Variants in COLEC12 observed in about 807,000 individuals in gnomAD.
COLEC12 encodes collectin subfamily member 12, also known as collectin-12.
COLEC12 carries 33 observed loss-of-function variants against 71.1 expected under a neutral mutation model. The ratio of observed to expected loss-of-function variants is 0.46; its 90% CI spans 0.35 to 0.62. COLEC12 has a LOEUF of 0.62. COLEC12 is among the 20% of genes least tolerant of loss of function. The pLI, the probability that COLEC12 is intolerant of heterozygous loss-of-function variation, is 0.00. For missense variants in COLEC12, 765 were observed against 916.1 expected (o/e 0.84, Z 2.13); for synonymous variants, 350 against 353.0 (o/e 0.99, Z 0.10).
Position 406,766 on chromosome 18 carries a change from G to C in COLEC12, c.59-49244C>G, listed in dbSNP as rs182143200. Among the ~76,000 whole-genome samples, 120 of 152,322 alleles carry C rather than the reference G, an allele frequency of 7.9e-4. 1 individual carries two copies. Among genetic ancestry groups the C allele is most frequent in the African/African-American group, 2.8e-3 (118 of 41,574 alleles). ...TGGTCCTCAGTGCTCTCCAGGACTG[G>C]TCTGCTCCCCACTTTGGTGTGTCTT... On this transcript the variant is annotated intron_variant, in intron 2 of 9. Coordinates refer to ENST00000400256, the MANE Select transcript of COLEC12 (RefSeq NM_130386.3).
chr18:382,239 C>T (rs1915248458), intron 2 of COLEC12, among the ~76,000 whole-genome samples: 1 of 152,250 alleles, frequency 6.6e-6, no homozygotes, highest in Non-Finnish European at 1.5e-5. Context: ...CCTAATAATT[C>T]ACCCTTCCTG....
intron 2 of COLEC12, among the ~76,000 whole-genome samples, chr18:384,201 G>A (rs955480927): frequency 1.3e-5 from 2 of 152,112 alleles, no homozygotes; most frequent in Non-Finnish European, 2.9e-5. Flanking sequence ...TTCCAGGTCT[G>A]TTATATCAGG....
At chr18:495,443 G>A (rs1917692036) in intron 1 of COLEC12, among the ~76,000 whole-genome samples, 2 of 152,208 alleles carry the variant, frequency 1.3e-5, no homozygotes, top group Admixed American at 1.3e-4. Flanking sequence ...CAAGACGAGT[G>A]TAGGGGCCGT....
At chr18:407,835 TG>T (rs1319514707) in intron 2 of COLEC12, among the ~76,000 whole-genome samples, 1 of 152,228 alleles carries the variant, frequency 6.6e-6, no homozygotes, top group Non-Finnish European at 1.5e-5. Flanking sequence ...CAATCCTGGC[TG>T]CACATCAGAA....
chr18:476,173 T>A (rs971392179), intron 2 of COLEC12, among the ~76,000 whole-genome samples: 3 of 152,188 alleles, frequency 2.0e-5, no homozygotes, highest in Non-Finnish European at 4.4e-5. Flanking sequence ...AACCCCTAAA[T>A]AATTTTTCAG....
chr18:368,899 C>T (rs1914931503), intron 2 of COLEC12, among the ~76,000 whole-genome samples: 1 of 151,960 alleles, frequency 6.6e-6, no homozygotes, highest in Non-Finnish European at 1.5e-5. Context: ...AAAAACAAAA[C>T]AAAAAAAATT....
intron 5 of COLEC12, among the ~76,000 whole-genome samples, chr18:343,815 C>T (rs575493080): frequency 3.9e-5 from 6 of 152,252 alleles, no homozygotes; most frequent in Admixed American, 1.3e-4. Flanking sequence ...TATAAACTGG[C>T]GATGACATTG....
chr18:407,446 A>G (rs1915812681), intron 2 of COLEC12, among the ~76,000 whole-genome samples: 1 of 152,244 alleles, frequency 6.6e-6, no homozygotes, highest in Admixed American at 6.5e-5. Flanking sequence ...TCTGAAAGCC[A>G]AGGCTCAAAA....
At chr18:325,995 TG>T in intron 8 of COLEC12, among the ~76,000 whole-genome samples, 1 of 152,354 alleles carries the variant, frequency 6.6e-6, no homozygotes, top group Admixed American at 6.5e-5. Context: ...TCTATTTCAC[TG>T]CTTTCCTTCC....
At chr18:458,989 C>T (rs993813972) in intron 2 of COLEC12, among the ~76,000 whole-genome samples, 4 of 152,328 alleles carry the variant, frequency 2.6e-5, no homozygotes, top group African/African-American at 9.6e-5. Context: ...CATGCTCCAC[C>T]ATTCCAGGCT....
intron 2 of COLEC12, among the ~76,000 whole-genome samples, chr18:410,358 T>C (rs1015922113): frequency 1.3e-5 from 2 of 151,828 alleles, no homozygotes; most frequent in African/African-American, 4.8e-5. Context: ...GAAACAAACA[T>C]AAGAAGACTG....
chr18:371,299 C>T (rs1484597316), intron 2 of COLEC12, among the ~76,000 whole-genome samples: 1 of 152,148 alleles, frequency 6.6e-6, no homozygotes, highest in Non-Finnish European at 1.5e-5. Flanking sequence ...TACAGAGCCC[C>T]AGATGATGGT....
At chr18:373,605 T>C (rs1194768544) in intron 2 of COLEC12, among the ~76,000 whole-genome samples, 1 of 152,228 alleles carries the variant, frequency 6.6e-6, no homozygotes, top group Non-Finnish European at 1.5e-5. Flanking sequence ...CAGTCATTCC[T>C]AACAAATCTC....
chr18:463,733 G>A (rs947803086), intron 2 of COLEC12, among the ~76,000 whole-genome samples: 1 of 152,124 alleles, frequency 6.6e-6, no homozygotes, highest in Non-Finnish European at 1.5e-5. Flanking sequence ...CATTCCCGTT[G>A]TCACACGTCC....
intron 9 of COLEC12, among the ~76,000 whole-genome samples, chr18:321,118 G>A (rs1451314565): frequency 1.3e-5 from 2 of 152,166 alleles, no homozygotes; most frequent in Non-Finnish European, 2.9e-5. Context: ...GCAATGGTGC[G>A]ATCTCGGCTC....
At chr18:498,363 CTTT>C (rs542727500) in intron 1 of COLEC12, among the ~76,000 whole-genome samples, 2 of 100,750 alleles carry the variant, frequency 2.0e-5, no homozygotes. Flanking sequence ...TATTTTTTTT[CTTT>C]TTTTTTTTTT....
intron 2 of COLEC12, among the ~76,000 whole-genome samples, chr18:473,696 C>T (rs1375334948): frequency 6.6e-6 from 1 of 152,166 alleles, no homozygotes; most frequent in Admixed American, 6.6e-5. Context: ...GTTTCAGAGT[C>T]TGTCTGTCTT....
intron 2 of COLEC12, among the ~76,000 whole-genome samples, chr18:360,128 C>T (rs1396848522): frequency 6.6e-6 from 1 of 151,824 alleles, no homozygotes; most frequent in African/African-American, 2.4e-5. Flanking sequence ...CATTAAAACA[C>T]ACTGTTTCTA....
intron 2 of COLEC12, among the ~76,000 whole-genome samples, chr18:444,606 T>C (rs902519770): frequency 9.9e-5 from 15 of 152,112 alleles, no homozygotes; most frequent in African/African-American, 3.6e-4. Context: ...GCTTTGTTTA[T>C]GGAGAAAGAG....
Sources: allele counts gnomAD v4.1 joint callset (sites outside exome capture counted in the v4.1 genomes callset), GRCh38; gene constraint gnomAD v4.1.1; transcripts MANE v1.5; gene names NCBI Gene and HGNC (gene_info 2026-07-23, HGNC 2026-07-21).